The following CLSTN2 variants were observed in gnomAD, a reference collection of about 807,000 sequenced individuals.
CLSTN2 encodes calsyntenin-2.
A neutral mutation model predicts 101.2 loss-of-function variants in CLSTN2; 48 were observed. The observed-to-expected ratio is 0.47, with a 90% CI of 0.38 to 0.60. The LOEUF is 0.60. Among genes scored for constraint, CLSTN2 ranks in the 20% least tolerant of loss-of-function variants. CLSTN2 has a pLI of 0.00. For synonymous variants in CLSTN2, 481 were observed against 463.6 expected (o/e 1.04, Z -0.48); for missense variants, 1,160 against 1,238.2 (o/e 0.94, Z 0.95).
In CLSTN2 at chr3:140,570,872, C is replaced by T. The variant is rs1040387021; in HGVS notation, c.*4619C>T. On this transcript the variant is annotated 3_prime_UTR_variant, in exon 17 of 17. Transcript: ENST00000458420. ...GAGAAAGCAAGCTGCTCTCATAAGCCTCTCACCAACTACCCAGTAGTCTTT... is the reference window on the plus strand; with the variant it reads ...GAGAAAGCAAGCTGCTCTCATAAGCTTCTCACCAACTACCCAGTAGTCTTT... 6.6e-5 allele frequency: 10 copies of T among 152,218 alleles called. No individual in the cohort carries two copies. Among genetic ancestry groups the T allele is most frequent in the Admixed American group, 6.5e-5 (1 of 15,284 alleles). 9.4% of individuals were successfully genotyped at this position (152,218 alleles called of 1,614,324 possible).
At chr3:140,554,232 G>A (rs1935758094) in intron 10 of CLSTN2, among the ~76,000 whole-genome samples, 2 of 152,176 alleles carry the variant, frequency 1.3e-5, no homozygotes, top group South Asian at 4.1e-4. Context: ...CAAAGATTGA[G>A]CTATCAGTTG....
chr3:139,987,936 G>A (rs1269923648), intron 1 of CLSTN2, among the ~76,000 whole-genome samples: 1 of 152,204 alleles, frequency 6.6e-6, no homozygotes, highest in African/African-American at 2.4e-5. Context: ...GACAAGACAA[G>A]TAAAGTGGTT....
intron 1 of CLSTN2, among the ~76,000 whole-genome samples, chr3:139,966,283 C>T (rs1053652301): frequency 1.3e-5 from 2 of 152,164 alleles, no homozygotes; most frequent in Admixed American, 1.3e-4. Context: ...GCTACTGTCT[C>T]ATTATTTCCT....
intron 2 of CLSTN2, among the ~76,000 whole-genome samples, chr3:140,253,303 G>C (rs1342148558): frequency 6.6e-6 from 1 of 152,146 alleles, no homozygotes; most frequent in Non-Finnish European, 1.5e-5. Context: ...GTCACTGCCA[G>C]GTTCTTCCAT....
chr3:140,532,208 T>C (rs1370945845), intron 8 of CLSTN2, 116 bp from the exon 9 acceptor site: 1 of 706,292 alleles, frequency 1.4e-6, no homozygotes, highest in East Asian at 2.7e-5. Context: ...CTTGAGTGCT[T>C]TGCAATAAAA....
intron 2 of CLSTN2, among the ~76,000 whole-genome samples, chr3:140,226,306 T>C (rs1014594206): frequency 6.6e-6 from 1 of 152,198 alleles, no homozygotes; most frequent in African/African-American, 2.4e-5. Context: ...CTTGACTGTA[T>C]CAATGTCAAT....
At chr3:140,139,318 C>T (rs546215829) in intron 1 of CLSTN2, among the ~76,000 whole-genome samples, 1 of 152,304 alleles carries the variant, frequency 6.6e-6, no homozygotes, top group African/African-American at 2.4e-5. Context: ...ATTTTCCCTT[C>T]CTTTCTCTGA....
At position 140,337,978 on chromosome 3, in the gene CLSTN2, A is replaced by T. The variant is rs567530964; in HGVS notation, c.233-65651A>T. On this transcript the variant is annotated intron_variant, in intron 2 of 16. Coordinates refer to ENST00000458420, the MANE Select transcript of CLSTN2 (RefSeq NM_022131.3). ...CTTGTCTGGAGTCATGGAGCTAGGGAGTGATAGAGCTGGGGGGAAACAAAG... is the reference window on the plus strand; with the variant it reads ...CTTGTCTGGAGTCATGGAGCTAGGGTGTGATAGAGCTGGGGGGAAACAAAG... Among the ~76,000 whole-genome samples the T allele has an allele frequency of 1.6e-4, 25 of 152,270 alleles. No individual in the cohort carries two copies. The South Asian group carries it at 4.8e-3, about 29-fold the overall frequency.
chr3:140,448,562 GC>G lies in CLSTN2; in HGVS notation c.835del (p.Leu279CysfsTer76). The G allele has an allele frequency of 6.2e-7, 1 of 1,614,082 alleles. No individual in the cohort carries two copies. The highest frequency in any genetic ancestry group is 8.5e-7 in the Non-Finnish European group (1 of 1,179,992). ...IEYQPGSGSM[P>X]LFPSIHLETC... Reference sequence around the variant, plus strand: ...AGTACCAGCCTGGCTCCGGGAGCATGCCCCTGTTCCCCAGCATCCACCTGGA... The same window carrying G: ...AGTACCAGCCTGGCTCCGGGAGCATGCCCTGTTCCCCAGCATCCACCTGGA... On this transcript the variant is annotated frameshift_variant, in exon 6 of 17. Coordinates refer to ENST00000458420, the MANE Select transcript of CLSTN2 (RefSeq NM_022131.3). LOFTEE classifies it high-confidence loss of function.
intron 1 of CLSTN2, among the ~76,000 whole-genome samples, chr3:140,062,164 G>C (rs570518033): frequency 8.4e-4 from 128 of 152,154 alleles, no homozygotes; most frequent in Non-Finnish European, 1.6e-3. Context: ...GTAGAGCCCC[G>C]GGTACTCAGT....
At chr3:139,965,021 ATTT>A (rs1177772773) in intron 1 of CLSTN2, among the ~76,000 whole-genome samples, 1 of 152,092 alleles carries the variant, frequency 6.6e-6, no homozygotes. Context: ...TACGGTTGAT[ATTT>A]TATACTTTGG....
At chr3:140,316,035 A>T (rs1015869589) in intron 2 of CLSTN2, among the ~76,000 whole-genome samples, 3 of 152,152 alleles carry the variant, frequency 2.0e-5, no homozygotes, top group Non-Finnish European at 4.4e-5. Context: ...GGGAACTGGG[A>T]GTTTTTAAAA....
chr3:140,054,427 A>G (rs1450551074), intron 1 of CLSTN2, among the ~76,000 whole-genome samples: 1 of 152,076 alleles, frequency 6.6e-6, no homozygotes, highest in Non-Finnish European at 1.5e-5. Context: ...ATATCTGTGA[A>G]AAAAAAATGT....
intron 1 of CLSTN2, among the ~76,000 whole-genome samples, chr3:140,117,211 C>T (rs1043953313): frequency 2.0e-5 from 3 of 152,206 alleles, no homozygotes; most frequent in African/African-American, 7.2e-5. Context: ...GACCTCTACC[C>T]TGCCCGCCGT....
intron 2 of CLSTN2, among the ~76,000 whole-genome samples, chr3:140,345,779 T>C (rs2087540814): frequency 6.6e-6 from 1 of 152,090 alleles, no homozygotes; most frequent in Non-Finnish European, 1.5e-5. Context: ...TTAATCCACT[T>C]CAGACTTCAG....
chr3:140,063,268 C>A (rs193294585), intron 1 of CLSTN2, among the ~76,000 whole-genome samples: 2 of 138,294 alleles, frequency 1.4e-5, no homozygotes, highest in African/African-American at 6.5e-5. Flanking sequence ...AATTTTAGTA[C>A]CCCCTGAATT....
intron 2 of CLSTN2, among the ~76,000 whole-genome samples, chr3:140,300,736 C>T (rs766298345): frequency 4.6e-5 from 7 of 152,024 alleles, no homozygotes; most frequent in Non-Finnish European, 1.0e-4. Context: ...TACTGAGGGC[C>T]ACAAAGAACT....
chr3:140,474,998 G>C (rs962743772), intron 8 of CLSTN2, among the ~76,000 whole-genome samples: 3 of 128,808 alleles, frequency 2.3e-5, no homozygotes, highest in African/African-American at 7.6e-5. Context: ...TCTTGGATTG[G>C]CTTTTCCTCC....
At chr3:140,178,712 A>G (rs1559799520) in intron 2 of CLSTN2, among the ~76,000 whole-genome samples, 1 of 152,254 alleles carries the variant, frequency 6.6e-6, no homozygotes, top group African/African-American at 2.4e-5. Context: ...ATTTTAAAAC[A>G]TTTATCTTAA....
Sources: allele counts gnomAD v4.1 joint callset (sites outside exome capture counted in the v4.1 genomes callset), GRCh38; gene constraint gnomAD v4.1.1; transcripts MANE v1.5; gene names NCBI Gene and HGNC (gene_info 2026-07-23, HGNC 2026-07-21).